C2orf42: variants seen among roughly 807,000 people sequenced by gnomAD.
C2orf42 encodes chromosome 2 open reading frame 42.
In C2orf42, 44 loss-of-function variants were observed where a neutral mutation model predicts 58.9. The ratio of observed to expected loss-of-function variants is 0.75; its 90% CI spans 0.59 to 0.96. The LOEUF (loss-of-function observed/expected upper bound fraction) is 0.96. C2orf42 is among the 40% of genes least tolerant of loss of function. The probability of loss-of-function intolerance (pLI) is 0.00; values close to 1 mark genes in which losing one functional copy is unlikely to be tolerated. For missense variants in C2orf42, 630 were observed against 699.2 expected (o/e 0.90, Z 1.12); for synonymous variants, 239 against 265.4 (o/e 0.90, Z 0.97).
At chr2:70,165,983 C>T (rs1294799461) in intron 6 of C2orf42, among the ~76,000 whole-genome samples, 4 of 151,794 alleles carry the variant, frequency 2.6e-5, no homozygotes, top group Non-Finnish European at 5.9e-5. Flanking sequence ...CTCTGCCTCC[C>T]GGGTTCAAGC....
chr2:70,175,333 C>T (rs886462767), intron 5 of C2orf42, among the ~76,000 whole-genome samples: 1 of 152,230 alleles, frequency 6.6e-6, no homozygotes, highest in Non-Finnish European at 1.5e-5. Flanking sequence ...TTCCACCTTT[C>T]CTCCCTCCTC....
intron 8 of C2orf42, 70 bp from the exon 9 acceptor site, chr2:70,160,857 C>T (rs965320810): frequency 3.0e-5 from 28 of 922,642 alleles, no homozygotes; most frequent in African/African-American, 2.1e-4. Context: ...ACCTGGATGA[C>T]GACAAATCTT....
chr2:70,166,046 A>G (rs898320930), intron 6 of C2orf42, among the ~76,000 whole-genome samples: 2 of 151,604 alleles, frequency 1.3e-5, no homozygotes, highest in East Asian at 3.9e-4. Context: ...GTGCACCACC[A>G]CGCCTGGCTA....
At chr2:70,189,383 G>A (rs1235172273) in intron 1 of C2orf42, among the ~76,000 whole-genome samples, 1 of 111,864 alleles carries the variant, frequency 8.9e-6, no homozygotes, top group Non-Finnish European at 1.7e-5. Flanking sequence ...TCCAGCCTGG[G>A]GAACAAGAGA....
At chr2:70,155,386 C>T (rs1015235616) in intron 9 of C2orf42, among the ~76,000 whole-genome samples, 1 of 152,178 alleles carries the variant, frequency 6.6e-6, no homozygotes, top group Non-Finnish European at 1.5e-5. Flanking sequence ...GTCTCAAACT[C>T]CTGGGCTCAA....
chr2:70,188,980 T>C (rs1412306480), intron 1 of C2orf42, among the ~76,000 whole-genome samples: 1 of 152,178 alleles, frequency 6.6e-6, no homozygotes, highest in Non-Finnish European at 1.5e-5. Flanking sequence ...GGCAACTCAA[T>C]GAAGAATATT....
chr2:70,185,316 G>A (rs930802470), intron 1 of C2orf42, among the ~76,000 whole-genome samples: 3 of 152,070 alleles, frequency 2.0e-5, no homozygotes, highest in Non-Finnish European at 4.4e-5. Context: ...GCTGAGGCAG[G>A]GGAATCACTT....
At chr2:70,187,847 C>T (rs566051184) in intron 1 of C2orf42, among the ~76,000 whole-genome samples, 102 of 151,834 alleles carry the variant, frequency 6.7e-4, no homozygotes, top group South Asian at 8.3e-4. Flanking sequence ...CATGCCACCA[C>T]GCCCAGCTAA....
chr2:70,167,357 C>CA (rs1039619852), intron 6 of C2orf42, among the ~76,000 whole-genome samples: 3,147 of 102,864 alleles, frequency 0.031, 108 homozygotes, highest in Admixed American at 0.13. Flanking sequence ...GACTCTGTCT[C>CA]AAAAAAAAAA....
intron 1 of C2orf42, among the ~76,000 whole-genome samples, chr2:70,189,957 CGA>C (rs1188719142): frequency 1.3e-5 from 2 of 150,730 alleles, no homozygotes; most frequent in East Asian, 3.9e-4. Flanking sequence ...AAAAAAAAGA[CGA>C]GAGATACACA....
At chr2:70,189,399 T>C (rs1573052914) in intron 1 of C2orf42, among the ~76,000 whole-genome samples, 2 of 47,442 alleles carry the variant, frequency 4.2e-5, no homozygotes, top group African/African-American at 2.0e-4. Context: ...AGAGAGAAAC[T>C]CCATCTCAAA....
chr2:70,173,820 G>A (rs1006945271), intron 5 of C2orf42, among the ~76,000 whole-genome samples: 2 of 150,692 alleles, frequency 1.3e-5, no homozygotes, highest in Non-Finnish European at 3.0e-5. Context: ...TGGTAGAGAT[G>A]GAGTCTCACT....
intron 1 of C2orf42, among the ~76,000 whole-genome samples, chr2:70,188,171 C>A (rs2103682078): frequency 6.6e-6 from 1 of 152,086 alleles, no homozygotes; most frequent in East Asian, 1.9e-4. Context: ...TACCAGTTGT[C>A]CACTAATGCC....
At chr2:70,153,116 A>T (rs1305392406) in intron 9 of C2orf42, among the ~76,000 whole-genome samples, 1 of 152,026 alleles carries the variant, frequency 6.6e-6, no homozygotes, top group Non-Finnish European at 1.5e-5. Flanking sequence ...TGGGTGTGAG[A>T]AGGAGGAGAA....
Position 70,150,139 on chromosome 2 carries a change from C to G in C2orf42, c.*217G>C, listed in dbSNP as rs1325503596. On this transcript the variant is annotated 3_prime_UTR_variant, in exon 10 of 10. Coordinates refer to ENST00000264434, the MANE Select transcript of C2orf42 (RefSeq NM_017880.3). ...TTAAAACTCTAGCCAGAAATACTGC[C>G]CAATGCATAATGAAGACTGTACACA... is the stretch of plus-strand genomic sequence containing the variant. The G allele has an allele frequency of 8.7e-6, 5 of 574,730 alleles. No homozygotes were observed. The highest frequency in any genetic ancestry group is 1.5e-5 in the Non-Finnish European group (5 of 322,854). 35.6% of individuals were successfully genotyped at this position (574,730 alleles called of 1,614,324 possible).
chr2:70,175,316 C>T (rs1674111564), intron 5 of C2orf42, among the ~76,000 whole-genome samples: 1 of 152,166 alleles, frequency 6.6e-6, no homozygotes, highest in African/African-American at 2.4e-5. Flanking sequence ...CTGATCCTCT[C>T]ACCCCCTTCC....
chr2:70,159,289 AT>A (rs888670541), intron 9 of C2orf42, among the ~76,000 whole-genome samples: 2 of 152,064 alleles, frequency 1.3e-5, no homozygotes, highest in African/African-American at 4.8e-5. Flanking sequence ...GAAGGAAATA[AT>A]TTAAAGCAAA....
intron 4 of C2orf42, 36 bp downstream of exon 4, chr2:70,179,496 A>G (rs1165648322): frequency 5.1e-6 from 4 of 791,556 alleles, no homozygotes; most frequent in Non-Finnish European, 8.8e-6. Flanking sequence ...CAATCTCTAA[A>G]GACAATACCA....
intron 6 of C2orf42, among the ~76,000 whole-genome samples, chr2:70,169,250 CA>C (rs1558668133): frequency 0.052 from 3,674 of 70,880 alleles, 316 homozygotes; most frequent in Admixed American, 0.27. Context: ...TCCCTCACCA[CA>C]CACACACACA....
Sources: gnomAD v4.1 joint callset for allele counts (sites outside exome capture counted in the v4.1 genomes callset) on GRCh38, gnomAD v4.1.1 for gene constraint, MANE v1.5 for transcripts, NCBI Gene and HGNC (gene_info 2026-07-23, HGNC 2026-07-21) for gene names.